Variants in DNAJC6 observed in about 807,000 individuals in gnomAD.
DNAJC6 encodes the protein DnaJ heat shock protein family (Hsp40) member C6.
In DNAJC6, 34 loss-of-function variants were observed where a neutral mutation model predicts 110.0. The observed-to-expected ratio is 0.31, with a 90% CI of 0.24 to 0.41. The LOEUF is 0.41. DNAJC6 is among the 10% of genes least tolerant of loss of function. The probability of loss-of-function intolerance (pLI) is 1.00; values close to 1 mark genes in which losing one functional copy is unlikely to be tolerated. For missense variants in DNAJC6, 1,031 were observed against 1,207.8 expected, an observed-to-expected ratio of 0.85 and a Z score of 2.17; for synonymous variants, 406 against 437.2, an observed-to-expected ratio of 0.93 and a Z score of 0.89.
intron 4 of DNAJC6, among the ~76,000 whole-genome samples, chr1:65,378,143 G>A (rs571287033): frequency 1.3e-5 from 2 of 152,230 alleles, no homozygotes; most frequent in East Asian, 1.9e-4. Context: ...GCTAGCCTTA[G>A]CCACTATCAT....
intron 1 of DNAJC6, among the ~76,000 whole-genome samples, chr1:65,345,001 C>T (rs750225736): frequency 5.3e-5 from 8 of 152,218 alleles, no homozygotes; most frequent in Non-Finnish European, 1.0e-4. Context: ...TCAATGCTAC[C>T]ACATCCACCT....
Position 65,405,940 on chromosome 1 carries a change from G to C in DNAJC6, c.2298G>C (p.Ser766=). The C allele has an allele frequency of 6.2e-7, 1 of 1,614,036 alleles. No individual in the cohort carries two copies. Among genetic ancestry groups the C allele is most frequent in the South Asian group, 1.1e-5 (1 of 91,066 alleles). ...GTGGAGGATTCCCGCCTCTCAGCTC[G>C]CCACAGAAGGCGTCTCCCCAGCCTA... ...GLGGGFPPLS[S]PQKASPQPMG... The change falls in exon 16 of 19, where the codon TCG becomes TCC. Residue 766 remains serine, a synonymous_variant. Transcript: ENST00000371069.
At chr1:65,357,906 C>T (rs1452721856) in intron 1 of DNAJC6, among the ~76,000 whole-genome samples, 2 of 152,134 alleles carry the variant, frequency 1.3e-5, no homozygotes, top group South Asian at 2.1e-4. Flanking sequence ...TGGCCGGGCA[C>T]GGTGGCTCAT....
chr1:65,362,321 A>G (rs1178824257), intron 1 of DNAJC6, among the ~76,000 whole-genome samples: 1 of 152,184 alleles, frequency 6.6e-6, no homozygotes, highest in African/African-American at 2.4e-5. Context: ...TACCTACCAG[A>G]TAGTAAGTGT....
intron 4 of DNAJC6, among the ~76,000 whole-genome samples, chr1:65,367,094 T>A (rs899356357): frequency 3.3e-5 from 5 of 152,160 alleles, no homozygotes; most frequent in Admixed American, 1.3e-4. Context: ...GCCCTAATAT[T>A]CAATAAGCTA....
At chr1:65,358,523 C>A (rs1645568867) in intron 1 of DNAJC6, among the ~76,000 whole-genome samples, 1 of 152,056 alleles carries the variant, frequency 6.6e-6, no homozygotes, top group Non-Finnish European at 1.5e-5. Context: ...AGATCAGTGG[C>A]CTAGTATGTG....
intron 1 of DNAJC6, among the ~76,000 whole-genome samples, chr1:65,302,291 A>AAT (rs1019647147): frequency 3.1e-5 from 3 of 96,740 alleles, no homozygotes; most frequent in African/African-American, 1.2e-4. Flanking sequence ...TATAATATAT[A>AAT]ATATATATAA....
upstream of DNAJC6, among the ~76,000 whole-genome samples, chr1:65,306,817 G>A (rs955242412): frequency 6.6e-6 from 1 of 152,036 alleles, no homozygotes; most frequent in African/African-American, 2.4e-5. Flanking sequence ...TTTTCCATTA[G>A]GATATCCCTG....
At chr1:65,344,060 C>A (rs1645414205) in intron 1 of DNAJC6, among the ~76,000 whole-genome samples, 2 of 152,140 alleles carry the variant, frequency 1.3e-5, no homozygotes, top group Non-Finnish European at 1.5e-5. Flanking sequence ...TGTACTAGCA[C>A]CTGCATTGGC....
rs1027924973 is a variant in DNAJC6 at position 65,380,597 on chromosome 1, C to T, written c.666+1073C>T. ...TAACAGAACAGATTACTTTTAGGGACTAAGCAACCTTAAGGACCTTGGTGA... is the reference window on the plus strand; with the variant it reads ...TAACAGAACAGATTACTTTTAGGGATTAAGCAACCTTAAGGACCTTGGTGA... On this transcript the variant is annotated intron_variant, in intron 5 of 18. Coordinates refer to ENST00000371069, the MANE Select transcript of DNAJC6 (RefSeq NM_001256864.2). Among the ~76,000 whole-genome samples, 13 of 152,124 alleles carry T rather than the reference C, an allele frequency of 8.5e-5. 1 individual carries two copies. Among genetic ancestry groups the T allele is most frequent in the Admixed American group, 5.9e-4 (9 of 15,272 alleles).
chr1:65,268,628 T>C (rs970837334), intron 1 of DNAJC6, among the ~76,000 whole-genome samples: 1 of 152,130 alleles, frequency 6.6e-6, no homozygotes, highest in Non-Finnish European at 1.5e-5. Flanking sequence ...TTTTTTTATC[T>C]CCAAAACCAT....
intron 1 of DNAJC6, among the ~76,000 whole-genome samples, chr1:65,267,886 GT>G (rs1228193411): frequency 3.1e-4 from 2 of 6,464 alleles, no homozygotes; most frequent in African/African-American, 9.0e-4. Context: ...GTGTGAGGTG[GT>G]GTGTGTGTGT....
chr1:65,275,210 A>G (rs1653629720), intron 1 of DNAJC6, among the ~76,000 whole-genome samples: 1 of 152,030 alleles, frequency 6.6e-6, no homozygotes, highest in South Asian at 2.1e-4. Flanking sequence ...TCCCTCTGGG[A>G]TCTTTTCCTT....
intron 4 of DNAJC6, among the ~76,000 whole-genome samples, chr1:65,378,550 A>C (rs923187759): frequency 1.3e-5 from 2 of 152,212 alleles, no homozygotes; most frequent in Non-Finnish European, 2.9e-5. Flanking sequence ...GAGGTTATGA[A>C]GTTTGTCCAA....
intron 5 of DNAJC6, among the ~76,000 whole-genome samples, chr1:65,381,596 T>TA (rs1570353567): frequency 6.6e-6 from 1 of 151,722 alleles, no homozygotes; most frequent in African/African-American, 2.4e-5. Context: ...AGTCTTTTAA[T>TA]AAAAAACCAA....
chr1:65,277,732 C>T (rs893533262), intron 1 of DNAJC6, among the ~76,000 whole-genome samples: 4 of 152,256 alleles, frequency 2.6e-5, no homozygotes, highest in East Asian at 3.9e-4. Context: ...GGTGCCCTCG[C>T]GGGCAGAACT....
At chr1:65,410,635 T>G (rs1211313521) in intron 17 of DNAJC6, among the ~76,000 whole-genome samples, 1 of 152,224 alleles carries the variant, frequency 6.6e-6, no homozygotes, top group Non-Finnish European at 1.5e-5. Context: ...TTATGATCCC[T>G]CTGACTTAAT....
At chr1:65,319,636 AC>A (rs1396366951) in intron 1 of DNAJC6, among the ~76,000 whole-genome samples, 4 of 151,860 alleles carry the variant, frequency 2.6e-5, no homozygotes, top group Non-Finnish European at 4.4e-5. Context: ...AATAAAAAAA[AC>A]AAAAAACAAA....
intron 1 of DNAJC6, among the ~76,000 whole-genome samples, chr1:65,331,556 C>T (rs1041052513): frequency 3.3e-5 from 5 of 152,218 alleles, no homozygotes; most frequent in African/African-American, 7.2e-5. Flanking sequence ...TATCTTAGTG[C>T]ACTGGAGCCT....
Sources: allele counts gnomAD v4.1 joint callset (sites outside exome capture counted in the v4.1 genomes callset), GRCh38; gene constraint gnomAD v4.1.1; transcripts MANE v1.5; gene names NCBI Gene and HGNC (gene_info 2026-07-23, HGNC 2026-07-21).